CELF2: variants seen among roughly 807,000 people sequenced by gnomAD.
CELF2 encodes the protein CUG triplet repeat RNA-binding protein 2.
A neutral mutation model predicts 62.6 loss-of-function variants in CELF2; 8 were observed. The observed-to-expected ratio is 0.13, with a 90% CI of 0.07 to 0.23. The LOEUF (loss-of-function observed/expected upper bound fraction) is 0.23. CELF2 is among the 10% of genes least tolerant of loss of function. The pLI is 1.00. For synonymous variants in CELF2, 258 were observed against 250.0 expected (o/e 1.03, Z -0.30); for missense variants, 333 against 671.0 (o/e 0.50, Z 5.56).
chr10:11,307,333 A>G (rs906355556), intron 9 of CELF2, among the ~76,000 whole-genome samples: 1 of 152,236 alleles, frequency 6.6e-6, no homozygotes, highest in African/African-American at 2.4e-5. Flanking sequence ...ACAGCCTGGC[A>G]TACAGGGCCC....
chr10:10,987,954 A>AAAAACAGTAG (rs1206227227), intron 2 of CELF2, among the ~76,000 whole-genome samples: 2 of 152,048 alleles, frequency 1.3e-5, no homozygotes, highest in Non-Finnish European at 2.9e-5. Context: ...TAAAACGTCA[A>AAAAACAGTAG]AAAACAGTAG....
At chr10:10,657,399 C>T in the CELF2 span, among the ~76,000 whole-genome samples, 66,068 of 151,148 alleles carry the variant, frequency 0.44, 14,817 homozygotes, top group South Asian at 0.71. Flanking sequence ...AAAGTATATA[C>T]ATATATTTGC....
In CELF2 at chr10:11,145,894, C is replaced by T. The variant is rs1443182749; in HGVS notation, c.75-19592C>T. On this transcript the variant is annotated intron_variant, in intron 1 of 12. Transcript: ENST00000633077. The surrounding 1 kb of genome is among the most constrained non-coding windows in gnomAD (Gnocchi z 4.3). ...GTTTACATTTTATGAGAGAATTATTCCTTATGTATACTTTTTTCTTTTTCA... is the reference window on the plus strand; with the variant it reads ...GTTTACATTTTATGAGAGAATTATTTCTTATGTATACTTTTTTCTTTTTCA... Among the ~76,000 whole-genome samples the T allele has an allele frequency of 6.6e-6, 1 of 152,096 alleles. No homozygotes were observed. The highest frequency in any genetic ancestry group is 1.5e-5 in the Non-Finnish European group (1 of 68,030).
At chr10:11,313,809 C>A (rs1180850978) in intron 9 of CELF2, among the ~76,000 whole-genome samples, 7 of 150,700 alleles carry the variant, frequency 4.6e-5, no homozygotes, top group African/African-American at 1.7e-4. Flanking sequence ...AAAAAAAGAA[C>A]TAAGCAAGAT....
chr10:10,853,919 C>A (rs1473503908), intron 1 of CELF2, among the ~76,000 whole-genome samples: 2 of 152,092 alleles, frequency 1.3e-5, no homozygotes, highest in Non-Finnish European at 2.9e-5. Flanking sequence ...TTCGCATGTA[C>A]GAAAGTCAAG....
the CELF2 span, among the ~76,000 whole-genome samples, chr10:10,539,892 C>G: frequency 6.6e-6 from 1 of 152,194 alleles, no homozygotes; most frequent in Admixed American, 6.5e-5. Context: ...CATAGGGCAT[C>G]TTTTCTAGAT....
chr10:10,527,761 T>C, the CELF2 span, among the ~76,000 whole-genome samples: 21 of 152,210 alleles, frequency 1.4e-4, no homozygotes, highest in African/African-American at 5.1e-4. Flanking sequence ...TACATAGTTG[T>C]TCTCCTCTGG....
the CELF2 span, among the ~76,000 whole-genome samples, chr10:10,606,497 TGAG>T: frequency 6.6e-6 from 1 of 152,286 alleles, no homozygotes; most frequent in South Asian, 2.1e-4. Context: ...AGTGATAAAC[TGAG>T]GAGAGGCAGG....
the CELF2 span, among the ~76,000 whole-genome samples, chr10:10,568,062 G>A: frequency 3.3e-5 from 5 of 152,124 alleles, no homozygotes; most frequent in East Asian, 7.7e-4. Context: ...ATTACAGGGT[G>A]TAAGTACTAT....
At chr10:10,818,278 G>A (rs553194328) in intron 1 of CELF2, among the ~76,000 whole-genome samples, 1 of 152,274 alleles carries the variant, frequency 6.6e-6, no homozygotes, top group African/African-American at 2.4e-5. Context: ...CAGCTCTGTG[G>A]CCAGCATGAG....
intron 2 of CELF2, among the ~76,000 whole-genome samples, chr10:10,987,615 T>G (rs1171877631): frequency 6.6e-6 from 1 of 152,172 alleles, no homozygotes; most frequent in South Asian, 2.1e-4. Flanking sequence ...CCACAATCAA[T>G]TGTGGTTTGT....
intron 1 of CELF2, among the ~76,000 whole-genome samples, chr10:11,009,151 G>A (rs1178814128): frequency 7.2e-5 from 11 of 152,020 alleles, no homozygotes; most frequent in South Asian, 4.1e-4. Flanking sequence ...ATTAAAATTC[G>A]TGGCAATTGA....
chr10:10,560,913 G>A, the CELF2 span, among the ~76,000 whole-genome samples: 1 of 151,978 alleles, frequency 6.6e-6, no homozygotes, highest in Non-Finnish European at 1.5e-5. Context: ...AAGTAACTCA[G>A]CAATGGAAAA....
chr10:10,743,380 T>G, the CELF2 span, among the ~76,000 whole-genome samples: 2 of 152,230 alleles, frequency 1.3e-5, no homozygotes, highest in Admixed American at 1.3e-4. Context: ...TAATACAGTT[T>G]TCTGAAAAGT....
chr10:11,208,877 G>A (rs73579312), intron 2 of CELF2, among the ~76,000 whole-genome samples: 5,145 of 152,182 alleles, frequency 0.034, 288 homozygotes, highest in African/African-American at 0.12. Flanking sequence ...ACTGCTTCCC[G>A]ACTCCCAACG....
chr10:10,524,897 A>G, the CELF2 span, among the ~76,000 whole-genome samples: 2 of 152,172 alleles, frequency 1.3e-5, no homozygotes, highest in African/African-American at 4.8e-5. Flanking sequence ...GGAGACAGCA[A>G]TTAAGTAAAT....
chr10:11,102,011 A>G (rs1426723708), intron 1 of CELF2: 2 of 152,206 alleles, frequency 1.3e-5, no homozygotes, highest in South Asian at 2.1e-4. Context: ...TTTCTTTCAT[A>G]TAGAAGCATC....
At chr10:11,171,764 A>G (rs1184441919) in intron 2 of CELF2, among the ~76,000 whole-genome samples, 1 of 152,244 alleles carries the variant, frequency 6.6e-6, no homozygotes, top group Non-Finnish European at 1.5e-5. Flanking sequence ...AAGTTGCTTT[A>G]CATATTCACT....
At chr10:10,673,794 A>G in the CELF2 span, among the ~76,000 whole-genome samples, 2 of 152,176 alleles carry the variant, frequency 1.3e-5, no homozygotes, top group East Asian at 1.9e-4. Flanking sequence ...TATGTTTTAT[A>G]GAAGTCTATT....
Sources: gnomAD v4.1 joint callset for allele counts (sites outside exome capture counted in the v4.1 genomes callset) on GRCh38, gnomAD v4.1.1 for gene constraint, Gnocchi (gnomAD v3.1) non-coding constraint, MANE v1.5 for transcripts, NCBI Gene and HGNC (gene_info 2026-07-23, HGNC 2026-07-21) for gene names.